Variants in VTI1A observed in about 807,000 individuals in gnomAD.
VTI1A encodes vesicle transport through interaction with t-SNAREs 1A, also known as vesicle transport through interaction with t-SNAREs homolog 1A.
VTI1A carries 22 observed loss-of-function variants against 34.9 expected under a neutral mutation model. That is an observed-to-expected ratio of 0.63 (90% confidence interval 0.45 to 0.90). The LOEUF is 0.90. VTI1A is among the 40% of genes least tolerant of loss of function. VTI1A has a pLI of 0.00. For missense variants in VTI1A, 268 were observed against 275.6 expected (o/e 0.97, Z 0.20); for synonymous variants, 87 against 97.3 (o/e 0.89, Z 0.62).
At chr10:112,596,309 T>C (rs1589953384) in intron 5 of VTI1A, among the ~76,000 whole-genome samples, 1 of 45,968 alleles carries the variant, frequency 2.2e-5, no homozygotes, top group South Asian at 3.5e-4. Flanking sequence ...ACTTAAAATA[T>C]AATAATAAAA....
intron 3 of VTI1A, among the ~76,000 whole-genome samples, chr10:112,466,336 G>A (rs1454147265): frequency 6.6e-6 from 1 of 152,078 alleles, no homozygotes; most frequent in Non-Finnish European, 1.5e-5. Flanking sequence ...TGCTTGTTTT[G>A]TATGTGAATG....
At chr10:112,537,092 T>A (rs1405147644) in intron 4 of VTI1A, among the ~76,000 whole-genome samples, 4 of 151,884 alleles carry the variant, frequency 2.6e-5, no homozygotes, top group African/African-American at 7.2e-5. Context: ...TGGCACCTCC[T>A]TTTTTATTAT....
intron 7 of VTI1A, among the ~76,000 whole-genome samples, chr10:112,675,101 T>G (rs1470502948): frequency 6.6e-6 from 1 of 152,216 alleles, no homozygotes; most frequent in Non-Finnish European, 1.5e-5. Context: ...TGCCCCCCTC[T>G]CATTTCACTG....
intron 5 of VTI1A, among the ~76,000 whole-genome samples, chr10:112,575,645 CTAAT>C (rs1391258804): frequency 2.0e-5 from 3 of 152,164 alleles, no homozygotes; most frequent in Non-Finnish European, 4.4e-5. Flanking sequence ...AATTTATTAA[CTAAT>C]TACAAAACAA....
intron 3 of VTI1A, among the ~76,000 whole-genome samples, chr10:112,492,677 C>T (rs915877086): frequency 2.0e-5 from 3 of 151,536 alleles, no homozygotes; most frequent in African/African-American, 4.9e-5. Context: ...ATCCCAGTTA[C>T]TTGGGAGGCT....
At chr10:112,713,397 G>A (rs1446780936) in intron 7 of VTI1A, among the ~76,000 whole-genome samples, 2 of 152,112 alleles carry the variant, frequency 1.3e-5, no homozygotes, top group African/African-American at 4.8e-5. Context: ...GTACTTAAAT[G>A]CTAACTGCTA....
chr10:112,531,063 TCACACACACACA>T (rs10670312), intron 4 of VTI1A, among the ~76,000 whole-genome samples: 60 of 139,920 alleles, frequency 4.3e-4, no homozygotes, highest in African/African-American at 1.2e-3. Flanking sequence ...GTGACACACC[TCACACACACACA>T]CACACACACA....
At chr10:112,662,047 C>T (rs186745849) in intron 5 of VTI1A, among the ~76,000 whole-genome samples, 5 of 152,292 alleles carry the variant, frequency 3.3e-5, no homozygotes, top group Non-Finnish European at 7.4e-5. Flanking sequence ...GCTGGGATTA[C>T]AGGCATGAGC....
intron 5 of VTI1A, among the ~76,000 whole-genome samples, chr10:112,660,551 A>T (rs970904008): frequency 5.3e-5 from 8 of 152,228 alleles, no homozygotes; most frequent in Non-Finnish European, 1.2e-4. Flanking sequence ...AGTTTGCCTT[A>T]AAGACAAAGG....
intron 3 of VTI1A, among the ~76,000 whole-genome samples, chr10:112,504,400 C>T (rs944857080): frequency 1.3e-5 from 2 of 152,140 alleles, no homozygotes; most frequent in East Asian, 3.9e-4. Context: ...AATGGCACAT[C>T]ACACGAAAGA....
At chr10:112,641,928 A>G (rs575885843) in intron 5 of VTI1A, among the ~76,000 whole-genome samples, 2 of 152,328 alleles carry the variant, frequency 1.3e-5, no homozygotes, top group Admixed American at 6.5e-5. Context: ...GTGACCGGAA[A>G]CAGGGTACCA....
At chr10:112,529,423 C>G (rs1208126786) in intron 4 of VTI1A, among the ~76,000 whole-genome samples, 1 of 152,078 alleles carries the variant, frequency 6.6e-6, no homozygotes, top group African/African-American at 2.4e-5. Flanking sequence ...TATTCCGCAT[C>G]AGCATTCATT....
At chr10:112,627,143 T>TTTTA (rs1845951703) in intron 5 of VTI1A, among the ~76,000 whole-genome samples, 1 of 152,210 alleles carries the variant, frequency 6.6e-6, no homozygotes, top group Non-Finnish European at 1.5e-5. Flanking sequence ...TCTTGGATGA[T>TTTTA]TTTTAAAAAA....
chr10:112,656,934 G>C (rs1847252241), intron 5 of VTI1A, among the ~76,000 whole-genome samples: 1 of 152,056 alleles, frequency 6.6e-6, no homozygotes, highest in African/African-American at 2.4e-5. Flanking sequence ...GATAGCGAGG[G>C]AGTTAGTTAT....
chr10:112,706,492 A>G (rs1453222599), intron 7 of VTI1A, among the ~76,000 whole-genome samples: 1 of 152,214 alleles, frequency 6.6e-6, no homozygotes, highest in African/African-American at 2.4e-5. Context: ...AGTCTTACCT[A>G]CTTCGGTCTC....
At chr10:112,825,023 G>C in the VTI1A span, 1 of 152,388 alleles carries the variant, frequency 6.6e-6, no homozygotes, top group African/African-American at 2.4e-5. Context: ...GTGACCAGTA[G>C]AGCTACACAG....
rs1461303593 is a variant in VTI1A at position 112,668,246 on chromosome 10, CCTT to C, written c.457_459del (p.Leu153del). The C allele has an allele frequency of 1.2e-6, 2 of 1,612,592 alleles. No homozygotes were observed. Among genetic ancestry groups the C allele is most frequent in the South Asian group, 2.2e-5 (2 of 90,982 alleles). ...AAATTGGTCAGGAGATGTTGGAAAA[CCTT>C]AGTCATGACAGAGAAAAGATACAGC... On this transcript the variant is annotated inframe_deletion, in exon 6 of 8. Coordinates refer to ENST00000393077, the MANE Select transcript of VTI1A (RefSeq NM_145206.4).
At chr10:112,669,416 G>T (rs1847765721) in intron 7 of VTI1A, among the ~76,000 whole-genome samples, 1 of 152,118 alleles carries the variant, frequency 6.6e-6, no homozygotes, top group South Asian at 2.1e-4. Flanking sequence ...ATTTCTTTAA[G>T]TGACGCTGTT....
intron 3 of VTI1A, among the ~76,000 whole-genome samples, chr10:112,480,570 A>T (rs1848428495): frequency 6.6e-6 from 1 of 152,140 alleles, no homozygotes; most frequent in Non-Finnish European, 1.5e-5. Flanking sequence ...GTGTGTAGGA[A>T]GTGAGGGTTT....
Sources: allele counts gnomAD v4.1 joint callset (sites outside exome capture counted in the v4.1 genomes callset), GRCh38; gene constraint gnomAD v4.1.1; transcripts MANE v1.5; gene names NCBI Gene and HGNC (gene_info 2026-07-23, HGNC 2026-07-21).